Variants in SPOP observed in about 807,000 individuals in gnomAD.
SPOP encodes the protein speckle type BTB/POZ protein, also known as speckle-type POZ protein.
SPOP carries 11 observed loss-of-function variants against 45.6 expected under a neutral mutation model. The observed-to-expected ratio is 0.24, with a 90% CI of 0.15 to 0.40. The LOEUF is 0.40. Ranked by LOEUF, SPOP falls within the 10% of genes least tolerant of loss-of-function variation. The probability of loss-of-function intolerance (pLI) is 1.00; values close to 1 mark genes in which losing one functional copy is unlikely to be tolerated. For missense variants in SPOP, 152 were observed against 465.6 expected (o/e 0.33, Z 6.20); for synonymous variants, 166 against 166.3 (o/e 1.00, Z 0.01).
chr17:49,636,774 G>A (rs1396310002), intron 1 of SPOP: 3 of 152,080 alleles, frequency 2.0e-5, no homozygotes, highest in Non-Finnish European at 4.4e-5. Context: ...TAAGTCAGTA[G>A]GAAAACTCTA....
intron 8 of SPOP, 117 bp from the exon 9 acceptor site, chr17:49,602,124 C>G (rs775578930): frequency 1.7e-6 from 2 of 1,175,480 alleles, no homozygotes; most frequent in African/African-American, 3.1e-5. Context: ...TAGAACTGCA[C>G]AGACCATGAA....
intron 1 of SPOP, among the ~76,000 whole-genome samples, chr17:49,628,083 T>C (rs1379141733): frequency 1.3e-5 from 2 of 152,220 alleles, no homozygotes; most frequent in Non-Finnish European, 2.9e-5. Flanking sequence ...GAGACCTACC[T>C]GAGGGTTAGA....
chr17:49,649,088 T>TAA (rs1409897997), intron 1 of SPOP, among the ~76,000 whole-genome samples: 1 of 152,070 alleles, frequency 6.6e-6, no homozygotes, highest in Non-Finnish European at 1.5e-5. Context: ...AAGCCATACT[T>TAA]AATCTTAGAA....
chr17:49,615,902 T>C (rs1056218375), intron 5 of SPOP, among the ~76,000 whole-genome samples: 1 of 151,528 alleles, frequency 6.6e-6, no homozygotes, highest in African/African-American at 2.4e-5. Context: ...CCTTGTAACA[T>C]GAAATGAAGA....
intron 3 of SPOP, among the ~76,000 whole-genome samples, chr17:49,621,064 T>C (rs975468926): frequency 2.0e-5 from 3 of 152,230 alleles, no homozygotes; most frequent in Admixed American, 2.0e-4. Context: ...TTTTGGTCTT[T>C]GCAGTGGGTA....
intron 2 of SPOP, chr17:49,622,455 G>A (rs1380923561): frequency 5.7e-6 from 3 of 529,800 alleles, no homozygotes; most frequent in Non-Finnish European, 1.0e-5. Context: ...TTCCCCAACA[G>A]AGGAAACTCA....
intron 1 of SPOP, chr17:49,668,104 T>G (rs1234589482): frequency 6.6e-6 from 1 of 152,208 alleles, no homozygotes; most frequent in African/African-American, 2.4e-5. Context: ...AACAAGAAGG[T>G]GTTTAGTGAG....
chr17:49,659,360 A>G (rs2072956708), intron 1 of SPOP, among the ~76,000 whole-genome samples: 1 of 152,166 alleles, frequency 6.6e-6, no homozygotes, highest in Admixed American at 6.5e-5. Flanking sequence ...GCCAATCACT[A>G]CCTGTTTTCC....
intron 8 of SPOP, chr17:49,606,955 T>C (rs1000451471): frequency 5.8e-5 from 18 of 313,014 alleles, no homozygotes; most frequent in Non-Finnish European, 5.9e-6. Flanking sequence ...TTTGAATCTT[T>C]ACTATCACTG....
intron 1 of SPOP, among the ~76,000 whole-genome samples, chr17:49,671,883 G>A (rs888139731): frequency 2.6e-5 from 4 of 152,158 alleles, no homozygotes; most frequent in African/African-American, 9.7e-5. Flanking sequence ...GCTCACGCCT[G>A]TAATCGCAGC....
intron 8 of SPOP, among the ~76,000 whole-genome samples, chr17:49,606,863 GT>G (rs1359037878): frequency 1.3e-5 from 2 of 152,082 alleles, no homozygotes; most frequent in African/African-American, 4.8e-5. Flanking sequence ...ACAAAGGGCT[GT>G]TTTACTGATA....
At chr17:49,662,033 A>G (rs2072995428) in intron 1 of SPOP, among the ~76,000 whole-genome samples, 1 of 151,784 alleles carries the variant, frequency 6.6e-6, no homozygotes, top group African/African-American at 2.4e-5. Context: ...AAAAAAAAAA[A>G]AAATTTAAAT....
intron 1 of SPOP, among the ~76,000 whole-genome samples, chr17:49,655,642 A>C (rs572823013): frequency 5.3e-5 from 8 of 152,332 alleles, no homozygotes; most frequent in African/African-American, 1.7e-4. Context: ...CTGGACATAG[A>C]TTAAAAGACA....
intron 1 of SPOP, among the ~76,000 whole-genome samples, chr17:49,674,605 C>A (rs2073177138): frequency 6.6e-6 from 1 of 152,140 alleles, no homozygotes; most frequent in Non-Finnish European, 1.5e-5. Flanking sequence ...TATTCTGTAC[C>A]AAGAGAGCAG....
Position 49,678,076 on chromosome 17 carries a change from G to C in SPOP, c.-210C>G, listed in dbSNP as rs1390955610. The stretch of plus-strand genomic sequence containing the variant: ...ACACTCACACACACACATACACACC[G>C]ACACACACCAGCCGGGGCGTCATGG... On this transcript the variant is annotated 5_prime_UTR_variant, in exon 1 of 10. Transcript: ENST00000504102. 5.0e-6 allele frequency: 2 copies of C among 398,210 alleles called. No homozygotes were observed. The highest frequency in any genetic ancestry group is 4.4e-6 in the Non-Finnish European group (1 of 225,954). 24.7% of individuals were successfully genotyped at this position (398,210 alleles called of 1,614,324 possible).
intron 3 of SPOP, among the ~76,000 whole-genome samples, 179 bp downstream of exon 3, chr17:49,621,767 C>T (rs1029963282): frequency 3.3e-5 from 5 of 152,214 alleles, no homozygotes; most frequent in Admixed American, 6.5e-5. Context: ...ATTAGTTCAA[C>T]AAACATTTAG....
At chr17:49,622,174 T>C in intron 2 of SPOP, 107 bp from the exon 3 acceptor site, 3 of 1,408,162 alleles carry the variant, frequency 2.1e-6, no homozygotes, top group Admixed American at 2.0e-5. Flanking sequence ...ATGATCCTGA[T>C]AGGAAGATAG....
intron 1 of SPOP, among the ~76,000 whole-genome samples, chr17:49,645,489 G>A (rs537279707): frequency 7.2e-5 from 11 of 151,886 alleles, no homozygotes; most frequent in Admixed American, 4.6e-4. Flanking sequence ...TTTTAGTAGA[G>A]ATGGGGCATG....
chr17:49,638,356 C>T (rs766614931), intron 1 of SPOP, among the ~76,000 whole-genome samples: 10 of 152,032 alleles, frequency 6.6e-5, no homozygotes, highest in Non-Finnish European at 1.0e-4. Context: ...TGTGGGAGGC[C>T]GAGGCAGGCG....
Sources: allele counts gnomAD v4.1 joint callset (sites outside exome capture counted in the v4.1 genomes callset), GRCh38; gene constraint gnomAD v4.1.1; transcripts MANE v1.5; gene names NCBI Gene and HGNC (gene_info 2026-07-23, HGNC 2026-07-21).